LIN7A: variants seen among roughly 807,000 people sequenced by gnomAD.
LIN7A encodes the protein protein lin-7 homolog A.
LIN7A carries 25 observed loss-of-function variants against 29.8 expected under a neutral mutation model. The ratio of observed to expected loss-of-function variants is 0.84; its 90% CI spans 0.61 to 1.17. LIN7A has a LOEUF of 1.17. Ranked by LOEUF, LIN7A falls within the 50% of genes most tolerant of loss-of-function variation. The probability of loss-of-function intolerance (pLI) is 0.00; values close to 1 mark genes in which losing one functional copy is unlikely to be tolerated. For missense variants in LIN7A, 239 were observed against 287.0 expected (o/e 0.83, Z 1.21); for synonymous variants, 118 against 107.5 (o/e 1.10, Z -0.60).
chr12:80,883,077 TTCTC>T (rs141252300), intron 2 of LIN7A, among the ~76,000 whole-genome samples: 17 of 151,868 alleles, frequency 1.1e-4, no homozygotes, highest in Non-Finnish European at 1.9e-4. Context: ...TCCTTCTTTC[TTCTC>T]TCTCTTTCTG....
intron 5 of LIN7A, among the ~76,000 whole-genome samples, chr12:80,807,964 G>A (rs1050233418): frequency 6.6e-6 from 1 of 152,224 alleles, no homozygotes; most frequent in East Asian, 1.9e-4. Flanking sequence ...TGTCTCTCCT[G>A]TGCTTAAAAA....
At chr12:80,890,949 A>ACTCT (rs1333746944) in intron 1 of LIN7A, among the ~76,000 whole-genome samples, 2 of 151,348 alleles carry the variant, frequency 1.3e-5, no homozygotes, top group Non-Finnish European at 2.9e-5. Flanking sequence ...GATGCATGGA[A>ACTCT]CTCTCAGAGC....
chr12:80,922,361 T>A (rs1330409952), intron 1 of LIN7A, among the ~76,000 whole-genome samples: 2 of 152,236 alleles, frequency 1.3e-5, no homozygotes, highest in Non-Finnish European at 2.9e-5. Context: ...GCCTGCTACA[T>A]TCCCAAATGC....
At chr12:80,927,243 G>A (rs1877648741) in intron 1 of LIN7A, among the ~76,000 whole-genome samples, 1 of 131,634 alleles carries the variant, frequency 7.6e-6, no homozygotes, top group African/African-American at 2.9e-5. Context: ...CTCATTGCAA[G>A]CTCCGCCTTC....
chr12:80,848,667 A>G (rs958828390), intron 2 of LIN7A, among the ~76,000 whole-genome samples: 5 of 152,092 alleles, frequency 3.3e-5, no homozygotes, highest in Admixed American at 3.3e-4. Flanking sequence ...CTTGAGGAAG[A>G]TGTTTGGAAA....
intron 1 of LIN7A, among the ~76,000 whole-genome samples, chr12:80,930,031 CT>C (rs1462872921): frequency 6.6e-6 from 1 of 152,050 alleles, no homozygotes; most frequent in Non-Finnish European, 1.5e-5. Context: ...ATTATTCTAT[CT>C]TTTTTTAGTT....
chr12:80,922,938 C>T (rs760493822), intron 1 of LIN7A, among the ~76,000 whole-genome samples: 26 of 152,048 alleles, frequency 1.7e-4, no homozygotes, highest in Admixed American at 4.6e-4. Context: ...AGGCAGCCCC[C>T]GGGGGTCTTG....
chr12:80,854,876 A>G (rs974824450), intron 2 of LIN7A, among the ~76,000 whole-genome samples: 9 of 152,186 alleles, frequency 5.9e-5, no homozygotes, highest in Non-Finnish European at 1.3e-4. Context: ...AGCTAAAAGT[A>G]AGGGTTTGAA....
At chr12:80,892,462 C>T (rs554937250) in intron 1 of LIN7A, among the ~76,000 whole-genome samples, 5 of 152,076 alleles carry the variant, frequency 3.3e-5, no homozygotes, top group Non-Finnish European at 7.4e-5. Flanking sequence ...AAAGGCAAGC[C>T]TAAATCTGCA....
At chr12:80,828,074 C>A (rs1185122682) in intron 4 of LIN7A, among the ~76,000 whole-genome samples, 1 of 151,920 alleles carries the variant, frequency 6.6e-6, no homozygotes, top group Non-Finnish European at 1.5e-5. Context: ...CATTCACATG[C>A]TTAAAAAAAG....
intron 2 of LIN7A, among the ~76,000 whole-genome samples, chr12:80,869,122 C>T (rs888363491): frequency 1.0e-3 from 151 of 148,348 alleles, no homozygotes; most frequent in African/African-American, 3.5e-3. Context: ...GCACTTTAAA[C>T]TAAAGTATCT....
At chr12:80,909,419 A>T (rs1384284481) in intron 1 of LIN7A, among the ~76,000 whole-genome samples, 1 of 152,202 alleles carries the variant, frequency 6.6e-6, no homozygotes, top group Non-Finnish European at 1.5e-5. Context: ...TCTCTGTCTT[A>T]GTCCATTGAG....
At chr12:80,840,452 T>C (rs1192954877) in intron 4 of LIN7A, among the ~76,000 whole-genome samples, 1 of 152,184 alleles carries the variant, frequency 6.6e-6, no homozygotes, top group Non-Finnish European at 1.5e-5. Context: ...TGCTTTTGTG[T>C]GTATCCATTG....
intron 1 of LIN7A, chr12:80,936,696 G>C (rs1878240966): frequency 1.3e-5 from 2 of 151,124 alleles, no homozygotes; most frequent in Non-Finnish European, 2.9e-5. Flanking sequence ...GGGTGCACCA[G>C]TGAGGCCCCG....
At position 80,807,076 on chromosome 12, in the gene LIN7A, T is replaced by TTTTTTTTTTTTTTTG. The variant is rs1592848412; in HGVS notation, c.*4388_*4389insCAAAAAAAAAAAAAA. ...AATGAAGATGGAGTTTTTTTTTTTT[T>TTTTTTTTTTTTTTTG]TTTTTTTTTTTTTTTGACGGAGTCT... On this transcript the variant is annotated intron_variant, in intron 5 of 5. Coordinates refer to ENST00000552864, the MANE Select transcript of LIN7A (RefSeq NM_004664.4). 5.4e-4 allele frequency among the ~76,000 whole-genome samples: 68 copies of TTTTTTTTTTTTTTTG among 126,056 alleles called. 3 individuals are homozygous for TTTTTTTTTTTTTTTG. Among genetic ancestry groups the TTTTTTTTTTTTTTTG allele is most frequent in the South Asian group, 2.1e-3 (8 of 3,870 alleles). The allele number at this position is 126,056 out of a possible 152,430, so 82.7% of individuals were successfully genotyped here.
At position 80,838,840 on chromosome 12, in the gene LIN7A, C is replaced by A. The variant is rs115830935; in HGVS notation, c.483+6890G>T. Reference sequence around the variant, plus strand: ...TTTCCCCTCTTCATGCAAGCATCTGCTCCCCTCTAAGGGCCAAGTGGCTTT... The same window carrying A: ...TTTCCCCTCTTCATGCAAGCATCTGATCCCCTCTAAGGGCCAAGTGGCTTT... On this transcript the variant is annotated intron_variant, in intron 4 of 5. Transcript: ENST00000552864. 9.7e-3 allele frequency among the ~76,000 whole-genome samples: 1,472 copies of A among 152,304 alleles called. 21 individuals are homozygous for A. Among genetic ancestry groups the A allele is most frequent in the African/African-American group, 0.033 (1,369 of 41,556 alleles).
intron 2 of LIN7A, among the ~76,000 whole-genome samples, chr12:80,873,873 C>T (rs193139705): frequency 3.7e-4 from 55 of 147,468 alleles, no homozygotes; most frequent in African/African-American, 1.1e-3. Flanking sequence ...TTTTTTTTCA[C>T]AGTCCCTGAA....
intron 1 of LIN7A, among the ~76,000 whole-genome samples, chr12:80,920,263 A>G (rs1383146406): frequency 6.6e-6 from 1 of 152,224 alleles, no homozygotes. Flanking sequence ...TCCATGTGTC[A>G]CAAAATATTC....
At chr12:80,914,104 C>T (rs140087564) in intron 1 of LIN7A, among the ~76,000 whole-genome samples, 92 of 152,242 alleles carry the variant, frequency 6.0e-4, no homozygotes, top group Non-Finnish European at 7.4e-4. Flanking sequence ...ATAAAGCATG[C>T]CATCAAGATC....
Sources: allele counts gnomAD v4.1 joint callset (sites outside exome capture counted in the v4.1 genomes callset), GRCh38; gene constraint gnomAD v4.1.1; transcripts MANE v1.5; gene names NCBI Gene and HGNC (gene_info 2026-07-23, HGNC 2026-07-21).